SLFN12: variants seen among roughly 807,000 people sequenced by gnomAD.
SLFN12 encodes schlafen family member 12.
A neutral mutation model predicts 29.1 loss-of-function variants in SLFN12; 25 were observed. That is an observed-to-expected ratio of 0.86 (90% CI 0.63 to 1.20). The LOEUF (loss-of-function observed/expected upper bound fraction) is 1.20, where lower values mean the gene tolerates loss of function less well. Among genes scored for constraint, SLFN12 ranks in the 50% most tolerant of loss-of-function variants. The pLI is 0.00. For synonymous variants in SLFN12, 257 were observed against 238.7 expected, an observed-to-expected ratio of 1.08 and a Z score of -0.71; for missense variants, 660 against 666.2, an observed-to-expected ratio of 0.99 and a Z score of 0.10.
At chr17:35,430,405 T>C (rs1361186192) in intron 1 of SLFN12, 1 of 152,166 alleles carries the variant, frequency 6.6e-6, no homozygotes. Flanking sequence ...TCCCCCTTTT[T>C]GTTCAGGTTC....
chr17:35,413,458 G>A (rs964261364), intron 3 of SLFN12, among the ~76,000 whole-genome samples: 1 of 151,964 alleles, frequency 6.6e-6, no homozygotes, highest in Non-Finnish European at 1.5e-5. Context: ...ACATTAAAAG[G>A]ATCATTCGGC....
intron 2 of SLFN12, among the ~76,000 whole-genome samples, chr17:35,421,612 C>T (rs868462612): frequency 2.7e-5 from 4 of 149,054 alleles, no homozygotes; most frequent in East Asian, 2.0e-4. Context: ...CAATCTCCGC[C>T]CACTGCAACC....
chr17:35,422,873 G>T lies in SLFN12; in HGVS notation c.156C>A (p.Leu52=). The part of the protein sequence containing the change: ...ESVSRAMCAL[L]NSGGGVIKAE... Reference sequence around the variant, plus strand: ...CCTTGATCACTCCCCCTCCAGAATTGAGCAGAGCACACATAGCTCGTGAGA... The same window carrying T: ...CCTTGATCACTCCCCCTCCAGAATTTAGCAGAGCACACATAGCTCGTGAGA... Residue 52 remains leucine, a synonymous_variant, in exon 2 of 4, where the codon CTC becomes CTA. Coordinates refer to ENST00000304905, the MANE Select transcript of SLFN12 (RefSeq NM_018042.5). 3 of 1,613,942 alleles carry T rather than the reference G, an allele frequency of 1.9e-6. No homozygotes were observed. The highest frequency in any genetic ancestry group is 1.6e-4 in the Middle Eastern group (1 of 6,062).
In SLFN12 at chr17:35,422,382, T is replaced by C. The variant is rs758474139; in HGVS notation, c.647A>G (p.Gln216Arg). 2 of 1,613,976 alleles carry C rather than the reference T, an allele frequency of 1.2e-6. No individual in the cohort carries two copies. Among genetic ancestry groups the C allele is most frequent in the East Asian group, 2.2e-5 (1 of 44,882 alleles). The change falls in exon 2 of 4, where the codon CAA becomes CGA. Residue 216 changes from glutamine to arginine, a missense_variant. By Grantham distance (43) the Gln-to-Arg change is conservative (BLOSUM62 1). Transcript: ENST00000304905. ...TTGAGGGAGAATCTCTTTAATTCGT[T>C]GTAACAACTTTTCTGTCGAGAAGTT... The part of the protein sequence containing the change: ...IKNFSTEKLL[Q>R]RIKEILPQYV...
intron 1 of SLFN12, among the ~76,000 whole-genome samples, chr17:35,428,078 A>G (rs1488936218): frequency 6.6e-6 from 1 of 152,128 alleles, no homozygotes; most frequent in South Asian, 2.1e-4. Context: ...ACATAAGGTT[A>G]TATTTGAACC....
At position 35,425,838 on chromosome 17, in the gene SLFN12, C is replaced by CTTTTTTTTTTTTTTTTTTTTTTTTTTTTT. The variant is rs58492425; in HGVS notation, c.-40-2771_-40-2770insAAAAAAAAAAAAAAAAAAAAAAAAAAAAA. On this transcript the variant is annotated intron_variant, in intron 1 of 3. Transcript: ENST00000304905. ...GGTTCTTTTTCTTTTCTTTTCTTTT[C>CTTTTTTTTTTTTTTTTTTTTTTTTTTTTT]TTTTTTTTTTTTTTTTTTTTTTTTT... Among the ~76,000 whole-genome samples, 6 of 39,158 alleles carry CTTTTTTTTTTTTTTTTTTTTTTTTTTTTT rather than the reference C, an allele frequency of 1.5e-4. 1 individual carries two copies. Among genetic ancestry groups the CTTTTTTTTTTTTTTTTTTTTTTTTTTTTT allele is most frequent in the African/African-American group, 6.7e-4 (6 of 8,958 alleles). 25.7% of individuals were successfully genotyped at this position (39,158 alleles called of 152,430 possible).
chr17:35,416,559 A>G (rs1207173637), intron 3 of SLFN12, among the ~76,000 whole-genome samples: 1 of 152,206 alleles, frequency 6.6e-6, no homozygotes, highest in African/African-American at 2.4e-5. Context: ...TTTTAAAAGT[A>G]CTTACTACAC....
intron 3 of SLFN12, among the ~76,000 whole-genome samples, chr17:35,412,403 A>T (rs1159882731): frequency 6.6e-6 from 1 of 152,130 alleles, no homozygotes; most frequent in Non-Finnish European, 1.5e-5. Flanking sequence ...GAGACTAAAG[A>T]GCTGAATGTA....
At chr17:35,416,878 C>T (rs888990194) in intron 3 of SLFN12, among the ~76,000 whole-genome samples, 6 of 151,994 alleles carry the variant, frequency 3.9e-5, no homozygotes, top group Non-Finnish European at 7.4e-5. Flanking sequence ...ATGATCACAC[C>T]GCTACACTTC....
At chr17:35,416,400 T>C (rs1482014161) in intron 3 of SLFN12, among the ~76,000 whole-genome samples, 1 of 152,108 alleles carries the variant, frequency 6.6e-6, no homozygotes, top group African/African-American at 2.4e-5. Flanking sequence ...CTGGGTACAG[T>C]GTACATTGCT....
chr17:35,411,221 C>A lies in SLFN12; in HGVS notation c.*117G>T. 1 of 712,768 alleles carries A rather than the reference C, an allele frequency of 1.4e-6. No individual in the cohort carries two copies. Among genetic ancestry groups the A allele is most frequent in the Non-Finnish European group, 2.2e-6 (1 of 446,188 alleles). The allele number at this position is 712,768 out of a possible 1,614,324, so 44.2% of individuals were successfully genotyped here. Reference sequence around the variant, plus strand: ...GTGAAAATAGACAAAACCCAATTATCCAACATCACATTAAGTTGCTTAACT... The same window carrying A: ...GTGAAAATAGACAAAACCCAATTATACAACATCACATTAAGTTGCTTAACT... On this transcript the variant is annotated 3_prime_UTR_variant, in exon 4 of 4. Transcript: ENST00000304905.
chr17:35,431,291 C>T lies in SLFN12; in HGVS notation c.-41+897G>A, dbSNP rs746775373. On this transcript the variant is annotated intron_variant, in intron 1 of 3. Transcript: ENST00000304905. ...TTGATTTTTAAAGGTCAAACTTCCT[C>T]GCACTTCAAAGAACGCTGAGGCCAA... is the stretch of plus-strand genomic sequence containing the variant. Among the ~76,000 whole-genome samples, 4 of 152,076 alleles carry T rather than the reference C, an allele frequency of 2.6e-5. No homozygotes were observed. The South Asian group carries it at 6.2e-4, about 24-fold the overall frequency.
At chr17:35,413,759 A>G (rs879651257) in intron 3 of SLFN12, among the ~76,000 whole-genome samples, 13 of 151,778 alleles carry the variant, frequency 8.6e-5, no homozygotes, top group African/African-American at 2.2e-4. Context: ...CAAAAAAAAA[A>G]AAAAAGAAAA....
chr17:35,425,825 TTTC>T lies in SLFN12; in HGVS notation c.-40-2760_-40-2758del, dbSNP rs1420414568. Among the ~76,000 whole-genome samples the T allele has an allele frequency of 2.9e-5, 4 of 136,112 alleles. No homozygotes were observed. The East Asian group carries it at 8.2e-4, about 28-fold the overall frequency. 89.3% of individuals were successfully genotyped at this position (136,112 alleles called of 152,430 possible). A position where few individuals can be genotyped will look rare whatever the true frequency, so the allele number is the denominator to read the frequency against. On this transcript the variant is annotated intron_variant, in intron 1 of 3. Transcript: ENST00000304905. The stretch of plus-strand genomic sequence containing the variant: ...TGAATCATATGGTGGTTCTTTTTCT[TTTC>T]TTTTCTTTTCTTTTTTTTTTTTTTT...
rs189778638 is a variant in SLFN12, at chr17:35,416,879, G to T, written c.1147+3395C>A. ...AGCTGCAGTGAGCCATGATCACACC[G>T]CTACACTTCAGCCTGGGTGACAGAG... On this transcript the variant is annotated intron_variant, in intron 3 of 3. Coordinates refer to ENST00000304905, the MANE Select transcript of SLFN12 (RefSeq NM_018042.5). 2.7e-3 allele frequency among the ~76,000 whole-genome samples: 413 copies of T among 152,084 alleles called. 2 individuals carry two copies. The highest frequency in any genetic ancestry group is 6.4e-3 in the Admixed American group (98 of 15,276).
upstream of SLFN12, chr17:35,432,673 T>A (rs773052286): frequency 6.6e-6 from 1 of 152,168 alleles, no homozygotes; most frequent in Non-Finnish European, 1.5e-5. Flanking sequence ...TCATCTGCCA[T>A]GTAGAAAAGG....
Position 35,422,818 on chromosome 17 carries a change from T to C in SLFN12, c.211A>G (p.Thr71Ala). Residue 71 changes from threonine (T) to alanine (A), a missense_variant, in exon 2 of 4, where the codon ACA becomes GCA. By Grantham distance (58) the Thr-to-Ala change is moderately conservative. Transcript: ENST00000304905. ...AEIENEDYSY[T>A]KDGIGLDLEN... ...AAATCTAGTCCTATTCCATCTTTTG[T>C]ATAACTATAGTCTTCATTCTCAATT... is the stretch of plus-strand genomic sequence containing the variant. The C allele has an allele frequency of 6.2e-7, 1 of 1,613,782 alleles. No individual in the cohort carries two copies. Among genetic ancestry groups the C allele is most frequent in the South Asian group, 1.1e-5 (1 of 91,074 alleles).
In SLFN12 at chr17:35,411,826, C is replaced by T. The variant is rs1567842913; in HGVS notation, c.1249G>A (p.Val417Ile). 6.2e-7 allele frequency: 1 copy of T among 1,614,062 alleles called. No homozygotes were observed. Among genetic ancestry groups the T allele is most frequent in the Admixed American group, 1.7e-5 (1 of 60,014 alleles). Residue 417 changes from valine (V) to isoleucine (I), a missense_variant, in exon 4 of 4, where the codon GTC (valine) becomes ATC (isoleucine). Transcript: ENST00000304905. ...KQLICEEMDS[V>I]RKGSLIFSRS... ...GAGAAGATCAGTGAGCCCTTTCTGA[C>T]AGAGTCCATTTCTTCACATATTAAT...
At chr17:35,413,368 A>AG (rs1567843790) in intron 3 of SLFN12, among the ~76,000 whole-genome samples, 1 of 152,116 alleles carries the variant, frequency 6.6e-6, no homozygotes, top group African/African-American at 2.4e-5. Flanking sequence ...ACAAAAAAAA[A>AG]GAAAGTTACA....
Sources: allele counts gnomAD v4.1 joint callset (sites outside exome capture counted in the v4.1 genomes callset), GRCh38; gene constraint gnomAD v4.1.1; transcripts MANE v1.5; gene names NCBI Gene and HGNC (gene_info 2026-07-23, HGNC 2026-07-21).